VPS53: variants seen among roughly 807,000 people sequenced by gnomAD.
VPS53 encodes VPS53 subunit of GARP complex.
A neutral mutation model predicts 107.0 loss-of-function variants in VPS53; 70 were observed. The observed-to-expected ratio is 0.65, with a 90% confidence interval of 0.54 to 0.80. The LOEUF (loss-of-function observed/expected upper bound fraction) is 0.80. Ranked by LOEUF, VPS53 falls within the 30% of genes least tolerant of loss-of-function variation. The probability of loss-of-function intolerance (pLI) is 0.00; values close to 1 mark genes in which losing one functional copy is unlikely to be tolerated. For synonymous variants in VPS53, 409 were observed against 393.3 expected (o/e 1.04, Z -0.47); for missense variants, 917 against 1,049.4 (o/e 0.87, Z 1.74).
chr17:586,220 C>G, intron 13 of VPS53, 50 bp downstream of exon 13: 1 of 1,566,852 alleles, frequency 6.4e-7, no homozygotes, highest in South Asian at 1.1e-5. Context: ...CCAGTCATGA[C>G]CAGAGCGGCG....
intron 4 of VPS53, among the ~76,000 whole-genome samples, chr17:682,576 G>A (rs1044226048): frequency 5.9e-5 from 9 of 152,296 alleles, no homozygotes; most frequent in South Asian, 4.2e-4. Context: ...GTGGGCTGGC[G>A]CAATGGTAGG....
Position 661,976 on chromosome 17 carries a change from A to G in VPS53, c.286-81T>C, listed in dbSNP as rs148200119. 7,668 of 1,249,330 alleles carry G rather than the reference A, an allele frequency of 6.1e-3. 44 individuals carry two copies. The highest frequency in any genetic ancestry group is 7.7e-3 in the Non-Finnish European group (6,877 of 897,134). 77.4% of individuals were successfully genotyped at this position (1,249,330 alleles called of 1,614,324 possible). A position where few individuals can be genotyped will look rare whatever the true frequency, so the allele number is the denominator to read the frequency against. On this transcript the variant is annotated intron_variant, in intron 4 of 21. Transcript: ENST00000437048. ...CTAACTGTAATCAATGCTAGGCACA[A>G]AAGAAATTTCCATGAAGCTCTCCTG...
chr17:515,766 G>C lies in VPS53; in HGVS notation c.*3362C>G, dbSNP rs1488461485. The stretch of plus-strand genomic sequence containing the variant: ...AAGAATCCTCATCAGTATGGAGAGA[G>C]CCCAATCCTGGGCATGGTCCCCACC... On this transcript the variant is annotated 3_prime_UTR_variant, in exon 22 of 22. Transcript: ENST00000437048. 2 of 151,748 alleles carry C rather than the reference G, an allele frequency of 1.3e-5. No homozygotes were observed. Among genetic ancestry groups the C allele is most frequent in the Admixed American group, 1.3e-4 (2 of 15,228 alleles). The allele number at this position is 151,748 out of a possible 1,614,324, so 9.4% of individuals were successfully genotyped here. A position where few individuals can be genotyped will look rare whatever the true frequency, so the allele number is the denominator to read the frequency against.
intron 1 of VPS53, among the ~76,000 whole-genome samples, chr17:712,320 C>T (rs9916450): frequency 0.27 from 41,034 of 151,070 alleles, 6,317 homozygotes; most frequent in African/African-American, 0.43. Flanking sequence ...GCTGAGATTA[C>T]GGGCACCTGC....
chr17:553,660 T>C (rs1361803259), intron 15 of VPS53, among the ~76,000 whole-genome samples, 198 bp from the exon 16 acceptor site: 1 of 149,450 alleles, frequency 6.7e-6, no homozygotes, highest in African/African-American at 2.5e-5. Flanking sequence ...ATCCTCTGCC[T>C]CCTGGGTTCA....
chr17:625,090 G>A (rs993892381), intron 10 of VPS53, among the ~76,000 whole-genome samples: 19 of 151,422 alleles, frequency 1.3e-4, no homozygotes, highest in East Asian at 3.9e-4. Context: ...CTGGGCTCAA[G>A]CAATCCTCCC....
intron 19 of VPS53, chr17:522,807 G>A (rs1343494526): frequency 1.3e-5 from 2 of 152,194 alleles, no homozygotes; most frequent in African/African-American, 4.8e-5. Flanking sequence ...TGACTGCCGG[G>A]AATGACATGA....
chr17:584,940 GAACTCC>G (rs1255594774), intron 13 of VPS53, among the ~76,000 whole-genome samples: 1 of 152,156 alleles, frequency 6.6e-6, no homozygotes, highest in African/African-American at 2.4e-5. Flanking sequence ...CCATATAGTA[GAACTCC>G]AATTAGTAAA....
intron 12 of VPS53, among the ~76,000 whole-genome samples, chr17:594,276 C>A (rs1388763871): frequency 1.3e-5 from 2 of 152,212 alleles, no homozygotes; most frequent in Admixed American, 6.5e-5. Flanking sequence ...ATGTAACTAA[C>A]CTGCACATTG....
In VPS53 at chr17:517,086, G is replaced by C. The variant is rs1407620004; in HGVS notation, c.*2042C>G. ...CCCCACCGCCCCTTTTCAACTGTAC[G>C]GCTCAGGCTGCTTAACCATAGCAAC... On this transcript the variant is annotated 3_prime_UTR_variant, in exon 22 of 22. Transcript: ENST00000437048. 5.0e-6 allele frequency: 1 copy of C among 198,378 alleles called. No homozygotes were observed. Among genetic ancestry groups the C allele is most frequent in the Non-Finnish European group, 1.0e-5 (1 of 99,002 alleles). The allele number at this position is 198,378 out of a possible 1,614,324, so 12.3% of individuals were successfully genotyped here.
At chr17:701,181 C>T (rs902751001) in intron 2 of VPS53, among the ~76,000 whole-genome samples, 3 of 151,906 alleles carry the variant, frequency 2.0e-5, no homozygotes, top group Admixed American at 6.6e-5. Context: ...AAAAAGTTAG[C>T]CAGGCATGGT....
intron 11 of VPS53, among the ~76,000 whole-genome samples, chr17:613,140 C>A (rs183300334): frequency 0.018 from 2,720 of 149,636 alleles, 28 homozygotes; most frequent in Middle Eastern, 0.028. Flanking sequence ...ACAGTGAAAA[C>A]CTGTACAGAT....
At chr17:641,096 T>C (rs936314974) in intron 7 of VPS53, among the ~76,000 whole-genome samples, 1 of 152,146 alleles carries the variant, frequency 6.6e-6, no homozygotes, top group African/African-American at 2.4e-5. Flanking sequence ...TCTCAGGTGA[T>C]CCACCCACCT....
intron 11 of VPS53, among the ~76,000 whole-genome samples, chr17:623,301 T>G (rs1969550021): frequency 6.6e-6 from 1 of 152,194 alleles, no homozygotes; most frequent in African/African-American, 2.4e-5. Context: ...GGATCAATAC[T>G]TAAGAAAAAT....
At chr17:532,116 T>C (rs1377335038) in intron 19 of VPS53, 1 of 150,120 alleles carries the variant, frequency 6.7e-6, no homozygotes, top group African/African-American at 2.5e-5. Context: ...CCCGGCTAAT[T>C]TTTTGTATTA....
chr17:544,027 G>GAGGGAGGAAGGA (rs1910975545), intron 17 of VPS53, among the ~76,000 whole-genome samples: 1 of 98,286 alleles, frequency 1.0e-5, no homozygotes, highest in Non-Finnish European at 1.7e-5. Context: ...GGAAGGCAGG[G>GAGGGAGGAAGGA]AGGGAGGGAG....
At chr17:572,235 A>C (rs1914188324) in intron 13 of VPS53, among the ~76,000 whole-genome samples, 1 of 130,510 alleles carries the variant, frequency 7.7e-6, no homozygotes, top group Non-Finnish European at 1.6e-5. Context: ...CCCGGCCGCG[A>C]CCCCGTCTGG....
Position 511,478 on chromosome 17 carries a change from T to C in VPS53, c.*7650A>G, listed in dbSNP as rs878888063. ...AACCCTCGGATGAAGTGAGCAGCATTCCCAGGAGGCGGGACGTTGGACGCT... is the reference window on the plus strand; with the variant it reads ...AACCCTCGGATGAAGTGAGCAGCATCCCCAGGAGGCGGGACGTTGGACGCT... On this transcript the variant is annotated 3_prime_UTR_variant, in exon 22 of 22. Coordinates refer to ENST00000437048, the MANE Select transcript of VPS53 (RefSeq NM_001128159.3). 2 of 152,212 alleles carry C rather than the reference T, an allele frequency of 1.3e-5. No individual in the cohort carries two copies. The highest frequency in any genetic ancestry group is 1.3e-4 in the Admixed American group (2 of 15,276). 9.4% of individuals were successfully genotyped at this position (152,212 alleles called of 1,614,324 possible).
chr17:651,843 C>T (rs1271834008), intron 7 of VPS53, among the ~76,000 whole-genome samples: 4 of 152,150 alleles, frequency 2.6e-5, no homozygotes, highest in Admixed American at 1.3e-4. Flanking sequence ...AACTCCTCCT[C>T]GTCCTCCCTT....
Sources: gnomAD v4.1 joint callset for allele counts (sites outside exome capture counted in the v4.1 genomes callset) on GRCh38, gnomAD v4.1.1 for gene constraint, MANE v1.5 for transcripts, NCBI Gene and HGNC (gene_info 2026-07-23, HGNC 2026-07-21) for gene names.